The following EPHA10 variants were observed in gnomAD, a reference collection of about 807,000 sequenced individuals.
EPHA10 encodes EPH receptor A10, also known as ephrin type-A receptor 10.
In EPHA10, 120 loss-of-function variants were observed where a neutral mutation model predicts 109.7. That is an observed-to-expected ratio of 1.09 (90% CI 0.94 to 1.27). The LOEUF (loss-of-function observed/expected upper bound fraction) is 1.27, where lower values mean the gene tolerates loss of function less well. Ranked by LOEUF, EPHA10 falls within the 50% of genes most tolerant of loss-of-function variation. The probability of loss-of-function intolerance (pLI) is 0.00; values close to 1 mark genes in which losing one functional copy is unlikely to be tolerated. For synonymous variants in EPHA10, 640 were observed against 618.9 expected, an observed-to-expected ratio of 1.03 and a Z score of -0.51; for missense variants, 1,396 against 1,411.1, an observed-to-expected ratio of 0.99 and a Z score of 0.17.
intron 10 of EPHA10, 54 bp from the exon 11 acceptor site, chr1:37,721,899 TG>T: frequency 7.0e-7 from 1 of 1,431,176 alleles, no homozygotes; most frequent in Non-Finnish European, 9.3e-7. Context: ...CTGGCTGAGC[TG>T]GGCAGGCTGA....
rs752712895 is a variant in EPHA10, at chr1:37,762,072, G to A, written c.183C>T (p.Ile61=). 10 of 1,586,374 alleles carry A rather than the reference G, an allele frequency of 6.3e-6. No homozygotes were observed. Among genetic ancestry groups the A allele is most frequent in the Non-Finnish European group, 8.6e-6 (10 of 1,163,602 alleles). ...GACGGTCGTGTTCATCCACGCCGCT[G>A]ATCTCCTCCCACTGGGGACAAGAGT... is the stretch of plus-strand genomic sequence containing the variant. ...TALPSNGWEE[I]SGVDEHDRPI... The change falls in exon 3 of 17, where the codon ATC becomes ATT. Residue 61 remains isoleucine (I), a synonymous_variant. Transcript: ENST00000373048.
In EPHA10 at chr1:37,718,754, G is replaced by A. The variant is rs757990189; in HGVS notation, c.2819C>T (p.Ala940Val). The change falls in exon 16 of 17, where the codon GCG becomes GTG. Residue 940 changes from alanine (A) to valine (V), a missense_variant. Transcript: ENST00000373048. ...GCACAGGTCCAGGGCCTCCAGCCACGCGCCCACAGAGCCAAAGGAGGGGAA... is the reference window on the plus strand; with the variant it reads ...GCACAGGTCCAGGGCCTCCAGCCACACGCCCACAGAGCCAAAGGAGGGGAA... Reference protein sequence around the residue: ...STFPSFGSVGAWLEALDLCRY... With the variant: ...STFPSFGSVGVWLEALDLCRY... The A allele has an allele frequency of 1.7e-5, 27 of 1,612,984 alleles. No individual in the cohort carries two copies. Among genetic ancestry groups the A allele is most frequent in the Admixed American group, 8.3e-5 (5 of 59,992 alleles).
chr1:37,761,256 G>A, intron 3 of EPHA10, 149 bp downstream of exon 3: 1 of 1,504,422 alleles, frequency 6.6e-7, no homozygotes, highest in Non-Finnish European at 8.8e-7. Context: ...AACTCCACAA[G>A]ACTTCAGGGC....
chr1:37,740,772 A>G (rs1646141663), intron 5 of EPHA10, among the ~76,000 whole-genome samples: 1 of 152,138 alleles, frequency 6.6e-6, no homozygotes, highest in Non-Finnish European at 1.5e-5. Context: ...CCAAGAGAAG[A>G]TGCCAGGAGG....
At chr1:37,742,980 A>C (rs1418074800) in intron 5 of EPHA10, among the ~76,000 whole-genome samples, 1 of 152,018 alleles carries the variant, frequency 6.6e-6, no homozygotes, top group Non-Finnish European at 1.5e-5. Flanking sequence ...TGAGTGACAG[A>C]GTAAGACCTT....
intron 3 of EPHA10, chr1:37,760,889 GC>G (rs1256199844): frequency 5.5e-6 from 1 of 183,090 alleles, no homozygotes; most frequent in African/African-American, 2.4e-5. Flanking sequence ...TTTGAGACCA[GC>G]CTGGCCAACA....
Position 37,723,023 on chromosome 1 carries a change from C to T in EPHA10, c.1960+18G>A, listed in dbSNP as rs377652458. 18 of 1,613,862 alleles carry T rather than the reference C, an allele frequency of 1.1e-5. No homozygotes were observed. The highest frequency in any genetic ancestry group is 6.7e-5 in the East Asian group (3 of 44,888). Reference sequence around the variant, plus strand: ...AGGCTTCCAGATGGGGACAAGGCTTCCTGGGCGCCCAGCTTGCCTCCTCCA... The same window carrying T: ...AGGCTTCCAGATGGGGACAAGGCTTTCTGGGCGCCCAGCTTGCCTCCTCCA... On this transcript the variant is annotated intron_variant, in intron 10 of 16. Transcript: ENST00000373048.
intron 7 of EPHA10, 66 bp downstream of exon 7, chr1:37,731,345 C>T (rs1645978036): frequency 6.8e-7 from 1 of 1,463,904 alleles, no homozygotes. Flanking sequence ...CTATTTGTCT[C>T]CCTACCTCAG....
downstream of EPHA10, chr1:37,715,777 C>T: frequency 2.4e-6 from 1 of 420,822 alleles, no homozygotes; most frequent in East Asian, 4.9e-5. Flanking sequence ...GCACCCAGTT[C>T]CCCTCGGTAC....
chr1:37,719,151 G>C, intron 15 of EPHA10: 3 of 595,700 alleles, frequency 5.0e-6, no homozygotes, highest in Non-Finnish European at 6.0e-6. Context: ...AAATGTGTTA[G>C]GGCTATTACC....
At chr1:37,733,278 G>A (rs1447537148) in intron 6 of EPHA10, among the ~76,000 whole-genome samples, 1 of 151,906 alleles carries the variant, frequency 6.6e-6, no homozygotes, top group Non-Finnish European at 1.5e-5. Context: ...CTGGAGTGCA[G>A]TGGTGCAACC....
At chr1:37,749,150 T>G (rs1220149365) in intron 5 of EPHA10, among the ~76,000 whole-genome samples, 2 of 151,088 alleles carry the variant, frequency 1.3e-5, no homozygotes, top group Admixed American at 6.6e-5. Flanking sequence ...CTCAAACTCC[T>G]GACCTCAAAC....
intron 5 of EPHA10, among the ~76,000 whole-genome samples, chr1:37,745,803 T>C (rs1334302350): frequency 6.6e-6 from 1 of 152,168 alleles, no homozygotes; most frequent in Non-Finnish European, 1.5e-5. Flanking sequence ...TGAGCTGAGA[T>C]CGCACCACTG....
At chr1:37,731,689 G>T in intron 6 of EPHA10, 107 bp from the exon 7 acceptor site, 1 of 1,268,700 alleles carries the variant, frequency 7.9e-7, no homozygotes, top group Non-Finnish European at 1.1e-6. Flanking sequence ...TTACGTGAAT[G>T]TGGGCTGAGT....
chr1:37,741,133 C>T (rs578193761), intron 5 of EPHA10, among the ~76,000 whole-genome samples: 5 of 152,242 alleles, frequency 3.3e-5, no homozygotes, highest in East Asian at 1.9e-4. Context: ...TCAGTTTCCC[C>T]GTGTGTAAAA....
chr1:37,723,504 CA>C, intron 8 of EPHA10, 132 bp from the exon 9 acceptor site: 2 of 1,024,180 alleles, frequency 2.0e-6, no homozygotes, highest in East Asian at 5.2e-5. Flanking sequence ...ACTTCTTGTC[CA>C]GCTGGTTTAA....
Position 37,762,010 on chromosome 1 carries a change from GGCTCCA to G in EPHA10, c.239_244del (p.Leu80_Glu81del). On this transcript the variant is annotated inframe_deletion, in exon 3 of 17. Coordinates refer to ENST00000373048, the MANE Select transcript of EPHA10 (RefSeq NM_001099439.2). The stretch of plus-strand genomic sequence containing the variant: ...AGTCTGCAGCCAGTTGTCCTGGTTG[GGCTCCA>G]GCACATTGCACACTTGGTACGTGCG... The G allele has an allele frequency of 6.2e-7, 1 of 1,614,108 alleles. No individual in the cohort carries two copies. Among genetic ancestry groups the G allele is most frequent in the South Asian group, 1.1e-5 (1 of 91,062 alleles).
rs1270499316 is a variant in EPHA10 at position 37,716,711 on chromosome 1, A to G, written c.*1661T>C. On this transcript the variant is annotated 3_prime_UTR_variant, in exon 17 of 17. Coordinates refer to ENST00000373048, the MANE Select transcript of EPHA10 (RefSeq NM_001099439.2). Reference sequence around the variant, plus strand: ...CTCTTTCTCATGCTAGCCTCTCTGCATGGACTCCTTTTGTCCGAGGCCTGC... The same window carrying G: ...CTCTTTCTCATGCTAGCCTCTCTGCGTGGACTCCTTTTGTCCGAGGCCTGC... 1 of 232,970 alleles carries G rather than the reference A, an allele frequency of 4.3e-6. No homozygotes were observed. The allele number at this position is 232,970 out of a possible 1,614,324, so 14.4% of individuals were successfully genotyped here.
At chr1:37,731,966 G>C (rs1436306426) in intron 6 of EPHA10, among the ~76,000 whole-genome samples, 1 of 152,368 alleles carries the variant, frequency 6.6e-6, no homozygotes, top group African/African-American at 2.4e-5. Context: ...CAGAATGAGA[G>C]AATGAGCCCT....
Sources: allele counts gnomAD v4.1 joint callset (sites outside exome capture counted in the v4.1 genomes callset), GRCh38; gene constraint gnomAD v4.1.1; transcripts MANE v1.5; gene names NCBI Gene and HGNC (gene_info 2026-07-23, HGNC 2026-07-21).